Variants in CNTNAP2 observed in about 807,000 individuals in gnomAD.
The protein encoded by CNTNAP2 is contactin-associated protein-like 2.
A neutral mutation model predicts 155.2 loss-of-function variants in CNTNAP2; 98 were observed. That is an observed-to-expected ratio of 0.63 (90% CI 0.54 to 0.75). CNTNAP2 has a LOEUF of 0.75. CNTNAP2 is among the 30% of genes least tolerant of loss of function. The pLI, the probability that CNTNAP2 is intolerant of heterozygous loss-of-function variation, is 0.00. For synonymous variants in CNTNAP2, 651 were observed against 631.2 expected, an observed-to-expected ratio of 1.03 and a Z score of -0.47; for missense variants, 1,727 against 1,688.1, an observed-to-expected ratio of 1.02 and a Z score of -0.40.
chr7:148,157,259 T>G (rs1174674434), intron 17 of CNTNAP2, among the ~76,000 whole-genome samples: 1 of 152,216 alleles, frequency 6.6e-6, no homozygotes, highest in African/African-American at 2.4e-5. Flanking sequence ...CGTTTATTTA[T>G]GTGTCCTCCC....
chr7:147,982,278 C>A (rs952979494), intron 15 of CNTNAP2, among the ~76,000 whole-genome samples: 1 of 147,744 alleles, frequency 6.8e-6, no homozygotes, highest in Non-Finnish European at 1.5e-5. Flanking sequence ...TACTTTGGAG[C>A]AAGTTTGTCA....
At chr7:147,620,612 A>G (rs1801375041) in intron 12 of CNTNAP2, among the ~76,000 whole-genome samples, 1 of 151,852 alleles carries the variant, frequency 6.6e-6, no homozygotes, top group Non-Finnish European at 1.5e-5. Flanking sequence ...TGAAGAATGC[A>G]TCAGAGTCTT....
chr7:147,615,091 C>CAA lies in CNTNAP2; in HGVS notation c.1898-24002_1898-24001dup, dbSNP rs71183021. On this transcript the variant is annotated intron_variant, in intron 12 of 23. Coordinates refer to ENST00000361727, the MANE Select transcript of CNTNAP2 (RefSeq NM_014141.6). Reference sequence around the variant, plus strand: ...AACATAGGGAGACACCCATCTTTATCAAAAAAAAAAAAAAGAAAAGAAAAA... The same window carrying CAA: ...AACATAGGGAGACACCCATCTTTATCAAAAAAAAAAAAAAAAGAAAAGAAAAA... Among the ~76,000 whole-genome samples, 431 of 123,068 alleles carry CAA rather than the reference C, an allele frequency of 3.5e-3. 6 individuals are homozygous for CAA. The highest frequency in any genetic ancestry group is 0.01 in the African/African-American group (349 of 33,590). 80.7% of individuals were successfully genotyped at this position (123,068 alleles called of 152,430 possible). A position where few individuals can be genotyped will look rare whatever the true frequency, so the allele number is the denominator to read the frequency against.
chr7:147,536,171 C>G (rs1038537317), intron 11 of CNTNAP2, among the ~76,000 whole-genome samples: 1 of 152,170 alleles, frequency 6.6e-6, no homozygotes, highest in Admixed American at 6.5e-5. Flanking sequence ...GTTTCTTTTC[C>G]CAGCATTTTA....
At chr7:147,599,692 C>G (rs1407444817) in intron 12 of CNTNAP2, among the ~76,000 whole-genome samples, 1 of 152,056 alleles carries the variant, frequency 6.6e-6, no homozygotes, top group Non-Finnish European at 1.5e-5. Flanking sequence ...TCACTGCATC[C>G]CTCCCGTCTC....
intron 8 of CNTNAP2, among the ~76,000 whole-genome samples, chr7:147,295,060 C>T (rs529833193): frequency 4.6e-5 from 7 of 152,222 alleles, no homozygotes; most frequent in Middle Eastern, 3.4e-3. Flanking sequence ...ACACTGTCTC[C>T]TATCTGGCAG....
intron 13 of CNTNAP2, among the ~76,000 whole-genome samples, chr7:147,817,321 A>G (rs780969865): frequency 1.3e-5 from 2 of 152,246 alleles, no homozygotes; most frequent in Non-Finnish European, 2.9e-5. Context: ...TTTAGTATGC[A>G]CTAGACATGA....
rs550917097 is a variant in CNTNAP2, at chr7:147,220,100, T to A, written c.1349-80041T>A. On this transcript the variant is annotated intron_variant, in intron 8 of 23. Coordinates refer to ENST00000361727, the MANE Select transcript of CNTNAP2 (RefSeq NM_014141.6). ...CACCACACCCGGCAGGCTGCATCAC[T>A]TCTTAAAGGTCCTGCCTCTCAACAC... 2.6e-5 allele frequency among the ~76,000 whole-genome samples: 4 copies of A among 152,210 alleles called. No homozygotes were observed. In the South Asian group the frequency reaches 8.3e-4, roughly 32 times the overall value.
At chr7:146,599,223 C>T (rs947904327) in intron 1 of CNTNAP2, among the ~76,000 whole-genome samples, 4 of 152,044 alleles carry the variant, frequency 2.6e-5, no homozygotes, top group African/African-American at 4.8e-5. Context: ...GCCTTGAACC[C>T]ATGAATAATC....
chr7:146,703,117 T>A (rs978588491), intron 1 of CNTNAP2, among the ~76,000 whole-genome samples: 2 of 152,200 alleles, frequency 1.3e-5, no homozygotes, highest in African/African-American at 4.8e-5. Context: ...GATGTATCTA[T>A]GCTTGTAAGG....
At chr7:147,060,061 G>A (rs956390422) in intron 4 of CNTNAP2, among the ~76,000 whole-genome samples, 1 of 152,122 alleles carries the variant, frequency 6.6e-6, no homozygotes, top group Non-Finnish European at 1.5e-5. Context: ...TTAACAATAT[G>A]AAAATGAAGG....
intron 16 of CNTNAP2, among the ~76,000 whole-genome samples, chr7:148,143,615 G>A (rs1650939680): frequency 6.6e-6 from 1 of 152,280 alleles, no homozygotes; most frequent in African/African-American, 2.4e-5. Flanking sequence ...GGAGGTCAAG[G>A]CTGCAGTCAG....
At chr7:146,498,136 A>G (rs2129132618) in intron 1 of CNTNAP2, among the ~76,000 whole-genome samples, 1 of 152,272 alleles carries the variant, frequency 6.6e-6, no homozygotes, top group East Asian at 1.9e-4. Context: ...ATGATCTTGG[A>G]GAGCCTATCA....
chr7:146,292,955 T>G (rs1239040010), intron 1 of CNTNAP2, among the ~76,000 whole-genome samples: 1 of 152,086 alleles, frequency 6.6e-6, no homozygotes, highest in Admixed American at 6.6e-5. Flanking sequence ...TGGGATATAT[T>G]GTAAAGCATG....
intron 14 of CNTNAP2, among the ~76,000 whole-genome samples, chr7:147,924,689 T>C (rs1401729765): frequency 6.6e-6 from 1 of 151,820 alleles, no homozygotes; most frequent in African/African-American, 2.4e-5. Flanking sequence ...GCCGGGAAGA[T>C]GGAACAGAGA....
chr7:146,270,068 T>C (rs1283637607), intron 1 of CNTNAP2, among the ~76,000 whole-genome samples: 2 of 152,174 alleles, frequency 1.3e-5, no homozygotes, highest in Non-Finnish European at 2.9e-5. Context: ...TTTACTCTTA[T>C]TGGGACCATT....
At chr7:146,193,475 G>A (rs1405596029) in intron 1 of CNTNAP2, among the ~76,000 whole-genome samples, 3 of 152,220 alleles carry the variant, frequency 2.0e-5, no homozygotes, top group African/African-American at 7.2e-5. Context: ...CATGGAGGCT[G>A]CCAAGACTTG....
chr7:146,575,708 A>T (rs1413207087), intron 1 of CNTNAP2, among the ~76,000 whole-genome samples: 1 of 152,208 alleles, frequency 6.6e-6, no homozygotes, highest in Non-Finnish European at 1.5e-5. Context: ...GTTTGAAAGA[A>T]ATGTAACACA....
chr7:146,755,248 A>G (rs939383615), intron 1 of CNTNAP2, among the ~76,000 whole-genome samples: 1 of 152,048 alleles, frequency 6.6e-6, no homozygotes, highest in Non-Finnish European at 1.5e-5. Flanking sequence ...ATAAAAACTC[A>G]GAGATGAATC....
Sources: gnomAD v4.1 joint callset for allele counts (sites outside exome capture counted in the v4.1 genomes callset) on GRCh38, gnomAD v4.1.1 for gene constraint, MANE v1.5 for transcripts, NCBI Gene and HGNC (gene_info 2026-07-23, HGNC 2026-07-21) for gene names.